The following HTT variants were observed in gnomAD, a reference collection of about 807,000 sequenced individuals.
HTT encodes huntingtin.
HTT carries 104 observed loss-of-function variants against 362.3 expected under a neutral mutation model. The ratio of observed to expected loss-of-function variants is 0.29; its 90% CI spans 0.24 to 0.34. The LOEUF is 0.34. Ranked by LOEUF, HTT falls within the 10% of genes least tolerant of loss-of-function variation. The pLI is 1.00. For missense variants in HTT, 3,301 were observed against 3,928.6 expected, an observed-to-expected ratio of 0.84 and a Z score of 4.27; for synonymous variants, 1,577 against 1,548.7, an observed-to-expected ratio of 1.02 and a Z score of -0.43.
chr4:3,166,907 C>T (rs1717742201), intron 29 of HTT, among the ~76,000 whole-genome samples: 1 of 152,242 alleles, frequency 6.6e-6, no homozygotes, highest in Non-Finnish European at 1.5e-5. Flanking sequence ...GGTGAGGCAA[C>T]ACCCCGCCCT....
chr4:3,238,907 G>A lies in HTT; in HGVS notation c.9144G>A (p.Pro3048=), dbSNP rs371266914. Reference sequence around the variant, plus strand: ...TCTCCAACTTCACGCAGAGGGCCCCGGTCGCCATGGCCACGTGGAGCCTCT... The same window carrying A: ...TCTCCAACTTCACGCAGAGGGCCCCAGTCGCCATGGCCACGTGGAGCCTCT... The part of the protein sequence containing the change: ...LSLSNFTQRA[P]VAMATWSLSC... Residue 3048 remains proline, a synonymous_variant, in exon 66 of 67, where the codon CCG becomes CCA. Coordinates refer to ENST00000355072, the MANE Select transcript of HTT (RefSeq NM_001388492.1). 21 of 1,611,222 alleles carry A rather than the reference G, an allele frequency of 1.3e-5. No homozygotes were observed. Among genetic ancestry groups the A allele is most frequent in the African/African-American group, 4.0e-5 (3 of 74,890 alleles).
intron 35 of HTT, among the ~76,000 whole-genome samples, chr4:3,178,659 A>G (rs1044711866): frequency 6.6e-6 from 1 of 152,210 alleles, no homozygotes; most frequent in Non-Finnish European, 1.5e-5. Flanking sequence ...CTTCTCAGGG[A>G]AAAAAATTCA....
intron 6 of HTT, among the ~76,000 whole-genome samples, chr4:3,108,545 G>A (rs997870819): frequency 4.6e-5 from 7 of 152,194 alleles, no homozygotes; most frequent in Non-Finnish European, 1.0e-4. Flanking sequence ...AGTCCCCTCT[G>A]TGATATCTCT....
At position 3,178,398 on chromosome 4, in the gene HTT, C is replaced by T; in HGVS notation, c.4564C>T (p.Gln1522Ter). 6.2e-7 allele frequency: 1 copy of T among 1,613,696 alleles called. No individual in the cohort carries two copies. The highest frequency in any genetic ancestry group is 8.5e-7 in the Non-Finnish European group (1 of 1,179,638). Residue 1522 changes from glutamine (Q) to a stop codon, truncating the protein, a stop_gained, in exon 35 of 67, where the codon CAG becomes TAG. Coordinates refer to ENST00000355072, the MANE Select transcript of HTT (RefSeq NM_001388492.1). LOFTEE classifies it high-confidence loss of function. ...GATCATTGGAATTCCTAAAATCATTCAGCTCTGTGATGGCATCATGGCCAG... is the reference window on the plus strand; with the variant it reads ...GATCATTGGAATTCCTAAAATCATTTAGCTCTGTGATGGCATCATGGCCAG... ...KQIIGIPKII[Q>*]LCDGIMASGR...
At chr4:3,160,014 A>T (rs1216841562) in intron 28 of HTT, among the ~76,000 whole-genome samples, 1 of 152,230 alleles carries the variant, frequency 6.6e-6, no homozygotes, top group African/African-American at 2.4e-5. Flanking sequence ...ATTATGAAAG[A>T]AAGTTAGGAA....
At chr4:3,179,241 G>C (rs1218791969) in intron 35 of HTT, among the ~76,000 whole-genome samples, 1 of 152,192 alleles carries the variant, frequency 6.6e-6, no homozygotes. Flanking sequence ...TGTTTACATA[G>C]CTAAGCCAGT....
At chr4:3,095,310 C>A (rs1261823519) in intron 2 of HTT, among the ~76,000 whole-genome samples, 1 of 152,276 alleles carries the variant, frequency 6.6e-6, no homozygotes, top group Non-Finnish European at 1.5e-5. Context: ...AGATCACTTG[C>A]AGTCAGGAGC....
rs1473464204 is a variant in HTT, at chr4:3,160,286, C to T, written c.3758C>T (p.Thr1253Met). 1.4e-5 allele frequency: 22 copies of T among 1,548,372 alleles called. No homozygotes were observed. The Admixed American group carries it at 2.0e-4, about 14-fold the overall frequency. Reference protein sequence around the residue: ...LKATHANYKVTLDLQNSTEKF... With the variant: ...LKATHANYKVMLDLQNSTEKF... ...TCTCTCCTTCACCTTCCCAAGGTCA[C>T]GCTGGATCTTCAGAACAGCACGGAA... Residue 1253 changes from threonine to methionine, a missense_variant, in exon 29 of 67, where the codon ACG becomes ATG. Coordinates refer to ENST00000355072, the MANE Select transcript of HTT (RefSeq NM_001388492.1).
chr4:3,156,893 C>T (rs1315819058), intron 27 of HTT, among the ~76,000 whole-genome samples, 179 bp from the exon 28 acceptor site: 1 of 152,184 alleles, frequency 6.6e-6, no homozygotes, highest in Non-Finnish European at 1.5e-5. Context: ...AGTACTTAGG[C>T]TCTACTTATG....
intron 6 of HTT, among the ~76,000 whole-genome samples, chr4:3,111,043 G>A (rs895145538): frequency 2.0e-5 from 3 of 151,924 alleles, no homozygotes; most frequent in Admixed American, 6.6e-5. Context: ...CTCTTGATGG[G>A]GTCTTGCCCT....
chr4:3,168,543 A>G (rs1393632715), intron 29 of HTT, among the ~76,000 whole-genome samples: 3 of 152,198 alleles, frequency 2.0e-5, no homozygotes, highest in Non-Finnish European at 4.4e-5. Flanking sequence ...CTTGTCTTCT[A>G]ATCCTTATTT....
chr4:3,118,419 A>G (rs1416674444), intron 8 of HTT, among the ~76,000 whole-genome samples: 1 of 152,180 alleles, frequency 6.6e-6, no homozygotes, highest in Non-Finnish European at 1.5e-5. Context: ...GGAGAAGTTC[A>G]GTCATGAGCC....
In HTT at chr4:3,134,421, C is replaced by T. The variant is rs2110191636; in HGVS notation, c.2514C>T (p.Cys838=). The change falls in exon 19 of 67, where the codon TGC becomes TGT. Residue 838 remains cysteine (C), a synonymous_variant. Transcript: ENST00000355072. The stretch of plus-strand genomic sequence containing the variant: ...TCCAGAACTGTGTCATGAGTCTCTG[C>T]AGCAGCAGCTACAGTGAGTTAGGAC... ...TAVRNCVMSL[C]SSSYSELGLQ... is the part of the protein sequence containing the mutation. 6.2e-7 allele frequency: 1 copy of T among 1,613,754 alleles called. No homozygotes were observed. Among genetic ancestry groups the T allele is most frequent in the South Asian group, 1.1e-5 (1 of 91,046 alleles).
rs770774546 is a variant in HTT at position 3,178,487 on chromosome 4, A to G, written c.4612+41A>G. The G allele has an allele frequency of 1.1e-5, 17 of 1,599,626 alleles. No homozygotes were observed. The South Asian group carries it at 1.6e-4, about 15-fold the overall frequency. Reference sequence around the variant, plus strand: ...TTTCACTGTCGTCTTCGGTGTCGTGATGTGCTTGGCAGTGTTCGTTTTCAT... The same window carrying G: ...TTTCACTGTCGTCTTCGGTGTCGTGGTGTGCTTGGCAGTGTTCGTTTTCAT... On this transcript the variant is annotated intron_variant, in intron 35 of 66. Coordinates refer to ENST00000355072, the MANE Select transcript of HTT (RefSeq NM_001388492.1).
At chr4:3,093,638 A>G (rs1578491294) in intron 2 of HTT, among the ~76,000 whole-genome samples, 1 of 152,162 alleles carries the variant, frequency 6.6e-6, no homozygotes, top group African/African-American at 2.4e-5. Context: ...CTGGGTAGGC[A>G]CTAAATGCAA....
At position 3,176,025 on chromosome 4, in the gene HTT, G is replaced by GTTTTTTTT. The variant is rs777646822; in HGVS notation, c.4407+920_4407+927dup. Among the ~76,000 whole-genome samples, 143 of 139,148 alleles carry GTTTTTTTT rather than the reference G, an allele frequency of 1.0e-3. 3 individuals carry two copies. Among genetic ancestry groups the GTTTTTTTT allele is most frequent in the African/African-American group, 2.8e-3 (95 of 33,710 alleles). 91.3% of individuals were successfully genotyped at this position (139,148 alleles called of 152,430 possible). A position where few individuals can be genotyped will look rare whatever the true frequency, so the allele number is the denominator to read the frequency against. On this transcript the variant is annotated intron_variant, in intron 33 of 66. Transcript: ENST00000355072. ...CTTGTTTTTTTTGTTGTTGTTGTTT[G>GTTTTTTTT]TTTTTTTTTGTTTTTTTTTTGAGAT...
rs1027283927 is a variant in HTT at position 3,243,083 on chromosome 4, C to T, written c.*3024C>T. On this transcript the variant is annotated 3_prime_UTR_variant, in exon 67 of 67. Coordinates refer to ENST00000355072, the MANE Select transcript of HTT (RefSeq NM_001388492.1). ...ATGGAGGGGGTCATTTCAGAGCCCT[C>T]GGAGCCAATGAACAGCTCCTCCTCT... 4.6e-5 allele frequency: 7 copies of T among 152,590 alleles called. No individual in the cohort carries two copies. The highest frequency in any genetic ancestry group is 6.5e-5 in the Admixed American group (1 of 15,272). The allele number at this position is 152,590 out of a possible 1,614,324, so 9.5% of individuals were successfully genotyped here.
At chr4:3,231,555 T>C (rs904212571) in intron 60 of HTT, among the ~76,000 whole-genome samples, 8 of 152,178 alleles carry the variant, frequency 5.3e-5, no homozygotes, top group African/African-American at 1.9e-4. Flanking sequence ...TTGACTGCTC[T>C]TGCCTAGACT....
At chr4:3,215,810 G>A (rs1720370093) in intron 51 of HTT, among the ~76,000 whole-genome samples, 1 of 152,138 alleles carries the variant, frequency 6.6e-6, no homozygotes, top group African/African-American at 2.4e-5. Flanking sequence ...TTCTAGAGTA[G>A]GTATTTTACT....
Sources: allele counts gnomAD v4.1 joint callset (sites outside exome capture counted in the v4.1 genomes callset), GRCh38; gene constraint gnomAD v4.1.1; transcripts MANE v1.5; gene names NCBI Gene and HGNC (gene_info 2026-07-23, HGNC 2026-07-21).